Variants in CADPS2 observed in about 807,000 individuals in gnomAD.
CADPS2 encodes calcium-dependent secretion activator 2.
A neutral mutation model predicts 172.5 loss-of-function variants in CADPS2; 93 were observed. The ratio of observed to expected loss-of-function variants is 0.54; its 90% CI spans 0.46 to 0.64. The LOEUF is 0.64. Ranked by LOEUF, CADPS2 falls within the 30% of genes least tolerant of loss-of-function variation. CADPS2 has a pLI of 0.00. For missense variants in CADPS2, 1,420 were observed against 1,565.9 expected (o/e 0.91, Z 1.57); for synonymous variants, 546 against 555.2 (o/e 0.98, Z 0.23).
At chr7:122,850,052 A>G in intron 1 of CADPS2, 1 of 1,315,620 alleles carries the variant, frequency 7.6e-7, no homozygotes, top group Non-Finnish European at 1.0e-6. Flanking sequence ...TTGATGATGA[A>G]GACCTGGGGG....
At chr7:122,464,533 T>A (rs1180184870) in intron 14 of CADPS2, among the ~76,000 whole-genome samples, 1 of 152,090 alleles carries the variant, frequency 6.6e-6, no homozygotes, top group Non-Finnish European at 1.5e-5. Flanking sequence ...TATAAAAAAA[T>A]AAAAATGACA....
chr7:122,745,838 A>G (rs926189026), intron 1 of CADPS2, among the ~76,000 whole-genome samples: 8 of 152,076 alleles, frequency 5.3e-5, no homozygotes, highest in Non-Finnish European at 1.2e-4. Context: ...TAATTTCAAC[A>G]CACCACAATG....
chr7:122,547,074 G>T (rs1587109331), intron 8 of CADPS2, among the ~76,000 whole-genome samples: 1 of 146,820 alleles, frequency 6.8e-6, no homozygotes, highest in Non-Finnish European at 1.5e-5. Context: ...AATCTAGGGT[G>T]TTTTTTTTTT....
intron 1 of CADPS2, among the ~76,000 whole-genome samples, chr7:122,818,777 A>G (rs1802263089): frequency 6.6e-6 from 1 of 152,188 alleles, no homozygotes; most frequent in African/African-American, 2.4e-5. Flanking sequence ...CTAAAGGCAT[A>G]GTCAAGGTTA....
At chr7:122,775,961 T>C (rs776398429) in intron 1 of CADPS2, among the ~76,000 whole-genome samples, 3 of 122,246 alleles carry the variant, frequency 2.5e-5, no homozygotes, top group Non-Finnish European at 4.8e-5. Context: ...ACAGTATTTA[T>C]TCAAGTTCAA....
intron 3 of CADPS2, among the ~76,000 whole-genome samples, chr7:122,647,660 T>C (rs980524316): frequency 2.6e-5 from 4 of 152,220 alleles, no homozygotes; most frequent in African/African-American, 4.8e-5. Context: ...CAAGAAGATA[T>C]TAATCAGATA....
intron 17 of CADPS2, among the ~76,000 whole-genome samples, chr7:122,435,890 T>C (rs1399510418): frequency 1.3e-5 from 2 of 152,084 alleles, no homozygotes; most frequent in Non-Finnish European, 1.5e-5. Flanking sequence ...TAACACATGA[T>C]ACCACTTATA....
At chr7:122,676,829 G>A in intron 2 of CADPS2, 1 of 621,210 alleles carries the variant, frequency 1.6e-6, no homozygotes, top group East Asian at 2.9e-5. Flanking sequence ...GTAAGTGCTT[G>A]GTGACAGTAT....
chr7:122,744,295 T>C (rs1240277475), intron 1 of CADPS2, among the ~76,000 whole-genome samples: 1 of 152,182 alleles, frequency 6.6e-6, no homozygotes, highest in Non-Finnish European at 1.5e-5. Flanking sequence ...ACTGCAACCC[T>C]AGACCACCTA....
chr7:122,839,229 T>C (rs1006408303), intron 1 of CADPS2, among the ~76,000 whole-genome samples: 2 of 152,336 alleles, frequency 1.3e-5, no homozygotes, highest in East Asian at 3.9e-4. Flanking sequence ...TAGCCTTATG[T>C]AGACAGCTGA....
At chr7:122,822,540 G>T (rs1289610688) in intron 1 of CADPS2, among the ~76,000 whole-genome samples, 1 of 147,722 alleles carries the variant, frequency 6.8e-6, no homozygotes, top group African/African-American at 2.5e-5. Flanking sequence ...ATTAATATAA[G>T]AAGGCAGAAA....
chr7:122,726,308 A>G (rs186502292), intron 2 of CADPS2, among the ~76,000 whole-genome samples: 69 of 152,200 alleles, frequency 4.5e-4, no homozygotes, highest in Non-Finnish European at 8.7e-4. Flanking sequence ...AAACAAAACC[A>G]ATAGTGTACT....
chr7:122,617,772 A>G (rs570304325), intron 5 of CADPS2, among the ~76,000 whole-genome samples: 14 of 152,324 alleles, frequency 9.2e-5, no homozygotes, highest in Admixed American at 1.3e-4. Context: ...AGCCGGGCAC[A>G]GTGGCTCACG....
At chr7:122,844,089 A>G (rs967518351) in intron 1 of CADPS2, among the ~76,000 whole-genome samples, 1 of 152,340 alleles carries the variant, frequency 6.6e-6, no homozygotes, top group South Asian at 2.1e-4. Context: ...AGCCACAGTG[A>G]GTCTGTAGCC....
rs769499788 is a variant in CADPS2 at position 122,621,704 on chromosome 7, G to C, written c.881C>G (p.Pro294Arg). Residue 294 changes from proline to arginine, a missense_variant, in exon 5 of 30, where the codon CCC becomes CGC. Coordinates refer to ENST00000449022, the MANE Select transcript of CADPS2 (RefSeq NM_017954.11). ...ADKMAKERKFPKFIAKDMENM... is the reference protein window; with the variant it reads ...ADKMAKERKFRKFIAKDMENM... ...CTCCATATCTTTTGCTATAAATTTG[G>C]GGAATTTTCTTTCCTTGAAAATAAT... The C allele has an allele frequency of 6.3e-7, 1 of 1,574,854 alleles. No individual in the cohort carries two copies. Among genetic ancestry groups the C allele is most frequent in the Non-Finnish European group, 8.6e-7 (1 of 1,161,496 alleles).
chr7:122,346,152 G>T (rs1461595740), intron 27 of CADPS2, among the ~76,000 whole-genome samples: 2 of 151,704 alleles, frequency 1.3e-5, no homozygotes, highest in Non-Finnish European at 2.9e-5. Flanking sequence ...GGATCGCTTG[G>T]GCCCAGGAGT....
chr7:122,645,442 TACACAC>T (rs1251398211), intron 3 of CADPS2, among the ~76,000 whole-genome samples: 1 of 98,768 alleles, frequency 1.0e-5, no homozygotes, highest in African/African-American at 3.5e-5. Flanking sequence ...TATGTATATA[TACACAC>T]ACATATGTAT....
intron 28 of CADPS2, among the ~76,000 whole-genome samples, chr7:122,344,754 C>A (rs1175942521): frequency 1.3e-5 from 2 of 152,134 alleles, no homozygotes; most frequent in Non-Finnish European, 2.9e-5. Flanking sequence ...TGAAAAGATG[C>A]TGAACACCAT....
intron 2 of CADPS2, among the ~76,000 whole-genome samples, chr7:122,674,189 C>T (rs886835314): frequency 3.3e-5 from 5 of 152,142 alleles, no homozygotes; most frequent in South Asian, 2.1e-4. Flanking sequence ...CGCACAGCCC[C>T]GGGTCCCCGC....
Sources: gnomAD v4.1 joint callset for allele counts (sites outside exome capture counted in the v4.1 genomes callset) on GRCh38, gnomAD v4.1.1 for gene constraint, MANE v1.5 for transcripts, NCBI Gene and HGNC (gene_info 2026-07-23, HGNC 2026-07-21) for gene names.